Variants in KIAA1549L observed in about 807,000 individuals in gnomAD.
KIAA1549L encodes UPF0606 protein KIAA1549L.
KIAA1549L carries 88 observed loss-of-function variants against 160.7 expected under a neutral mutation model. The observed-to-expected ratio is 0.55, with a 90% confidence interval of 0.46 to 0.65. The LOEUF (loss-of-function observed/expected upper bound fraction) is 0.65. Ranked by LOEUF, KIAA1549L falls within the 30% of genes least tolerant of loss-of-function variation. The probability of loss-of-function intolerance (pLI) is 0.00; values close to 1 mark genes in which losing one functional copy is unlikely to be tolerated. For synonymous variants in KIAA1549L, 950 were observed against 976.7 expected (o/e 0.97, Z 0.51); for missense variants, 2,258 against 2,437.5 (o/e 0.93, Z 1.55).
At chr11:33,585,663 A>T (rs771891155) in intron 11 of KIAA1549L, among the ~76,000 whole-genome samples, 1 of 152,206 alleles carries the variant, frequency 6.6e-6, no homozygotes, top group African/African-American at 2.4e-5. Flanking sequence ...CCATACTGAG[A>T]TTGTAAGGGG....
chr11:33,654,881 T>C (rs1357683002), intron 17 of KIAA1549L, among the ~76,000 whole-genome samples: 1 of 152,196 alleles, frequency 6.6e-6, no homozygotes, highest in Non-Finnish European at 1.5e-5. Flanking sequence ...TATGAAGATG[T>C]AGTCTGCCAT....
rs1196623400 is a variant in KIAA1549L, at chr11:33,671,788, A to C, written c.*3634A>C. 6.6e-6 allele frequency: 1 copy of C among 152,224 alleles called. No homozygotes were observed. The highest frequency in any genetic ancestry group is 1.5e-5 in the Non-Finnish European group (1 of 68,030). The allele number at this position is 152,224 out of a possible 1,614,324, so 9.4% of individuals were successfully genotyped here. ...GCACACAGGTGCTCAACATTTAATGAATAATATAACAGATACTGTCTTAAA... is the reference window on the plus strand; with the variant it reads ...GCACACAGGTGCTCAACATTTAATGCATAATATAACAGATACTGTCTTAAA... On this transcript the variant is annotated 3_prime_UTR_variant, in exon 21 of 21. Coordinates refer to ENST00000658780, the MANE Select transcript of KIAA1549L (RefSeq NM_012194.3).
intron 16 of KIAA1549L, among the ~76,000 whole-genome samples, chr11:33,633,757 A>G (rs1851365813): frequency 6.6e-6 from 1 of 152,238 alleles, no homozygotes; most frequent in South Asian, 2.1e-4. Flanking sequence ...GTTCACAGGT[A>G]GTACAGTGTA....
chr11:33,434,861 G>A (rs1374684792), intron 1 of KIAA1549L, among the ~76,000 whole-genome samples: 2 of 152,176 alleles, frequency 1.3e-5, no homozygotes, highest in African/African-American at 4.8e-5. Flanking sequence ...CTGAATTTTA[G>A]TTAAACTTAT....
chr11:33,439,811 T>G (rs956218982), intron 1 of KIAA1549L, among the ~76,000 whole-genome samples: 2 of 152,116 alleles, frequency 1.3e-5, no homozygotes, highest in African/African-American at 4.8e-5. Flanking sequence ...AACAGCCACA[T>G]AGCTTTACTT....
chr11:33,407,186 G>A (rs1044258081), intron 1 of KIAA1549L, among the ~76,000 whole-genome samples: 1 of 142,428 alleles, frequency 7.0e-6, no homozygotes, highest in African/African-American at 2.6e-5. Context: ...CCGGGTTCAC[G>A]CCATTCTCCT....
Position 33,554,870 on chromosome 11 carries a change from T to C in KIAA1549L, c.3855+2629T>C, listed in dbSNP as rs1854595091. Among the ~76,000 whole-genome samples the C allele has an allele frequency of 3.3e-5, 5 of 152,162 alleles. No individual in the cohort carries two copies. The South Asian group carries it at 1.0e-3, about 32-fold the overall frequency. On this transcript the variant is annotated intron_variant, in intron 6 of 20. Coordinates refer to ENST00000658780, the MANE Select transcript of KIAA1549L (RefSeq NM_012194.3). ...ACAACAGCTTTCTGTTCCATCAGCC[T>C]ATAGGTCTTCTTAGCTAAATGAATC...
At chr11:33,460,510 G>C (rs1214397857) in intron 1 of KIAA1549L, among the ~76,000 whole-genome samples, 1 of 152,206 alleles carries the variant, frequency 6.6e-6, no homozygotes, top group Non-Finnish European at 1.5e-5. Flanking sequence ...TAAGATCACA[G>C]AGTGATGTGT....
chr11:33,469,836 C>T (rs1375791011), intron 1 of KIAA1549L, among the ~76,000 whole-genome samples: 1 of 152,148 alleles, frequency 6.6e-6, no homozygotes, highest in Non-Finnish European at 1.5e-5. Flanking sequence ...AATGTCTGTT[C>T]AAATCCTTTG....
intron 1 of KIAA1549L, among the ~76,000 whole-genome samples, chr11:33,501,312 A>G (rs967494090): frequency 2.0e-5 from 3 of 152,188 alleles, no homozygotes; most frequent in Non-Finnish European, 4.4e-5. Context: ...TGTTCTCCAA[A>G]CCTTTCTTGC....
At position 33,609,961 on chromosome 11, in the gene KIAA1549L, A is replaced by T; in HGVS notation, c.5274A>T (p.Lys1758Asn). 1 of 1,613,020 alleles carries T rather than the reference A, an allele frequency of 6.2e-7. No individual in the cohort carries two copies. Among genetic ancestry groups the T allele is most frequent in the Non-Finnish European group, 8.5e-7 (1 of 1,179,168 alleles). ...SELCAPFTES[K>N]NRQQMKNSVY... ...TCTGTGCTCCATTCACCGAGTCTAA[A>T]AACAGGTGCAGTCTCTAAGGGATTC... The change falls in exon 15 of 21, where the codon AAA becomes AAT. Residue 1758 changes from lysine (K) to asparagine (N), a missense_variant. Transcript: ENST00000658780.
chr11:33,598,984 C>T (rs369875132), intron 13 of KIAA1549L, 37 bp downstream of exon 13: 15 of 1,609,484 alleles, frequency 9.3e-6, no homozygotes, highest in African/African-American at 1.3e-5. Flanking sequence ...CCCCCAGCTG[C>T]TCCCACGCGT....
At chr11:33,612,127 C>T (rs1554922381) in intron 15 of KIAA1549L, among the ~76,000 whole-genome samples, 1 of 152,104 alleles carries the variant, frequency 6.6e-6, no homozygotes, top group Non-Finnish European at 1.5e-5. Flanking sequence ...ACTGGGTGAG[C>T]TAGGAATAGG....
rs191229214 is a variant in KIAA1549L at position 33,667,555 on chromosome 11, G to A, written c.6160-318G>A. On this transcript the variant is annotated intron_variant, in intron 20 of 20. Transcript: ENST00000658780. ...CTACAGGCGCATGCCACCATGCCTG[G>A]CTAATTTTTTTTGTATTTTTAGTAG... Among the ~76,000 whole-genome samples the A allele has an allele frequency of 7.2e-5, 11 of 152,090 alleles. No individual in the cohort carries two copies. The East Asian group carries it at 1.9e-3, about 27-fold the overall frequency.
At chr11:33,639,442 T>C (rs1851528701) in intron 16 of KIAA1549L, among the ~76,000 whole-genome samples, 1 of 152,186 alleles carries the variant, frequency 6.6e-6, no homozygotes, top group African/African-American at 2.4e-5. Context: ...ACCATAACTC[T>C]CCAAAACTAT....
At chr11:33,582,497 ATTAAT>A (rs1010974490) in intron 10 of KIAA1549L, among the ~76,000 whole-genome samples, 1 of 152,238 alleles carries the variant, frequency 6.6e-6, no homozygotes, top group Non-Finnish European at 1.5e-5. Context: ...TTGCCAATAT[ATTAAT>A]TTAAACTACA....
intron 1 of KIAA1549L, among the ~76,000 whole-genome samples, chr11:33,457,182 G>A (rs1251935182): frequency 6.6e-6 from 1 of 152,184 alleles, no homozygotes; most frequent in African/African-American, 2.4e-5. Context: ...GTTTGGGGGA[G>A]TGTTGAAATA....
intron 1 of KIAA1549L, among the ~76,000 whole-genome samples, chr11:33,429,446 C>T (rs71480972): frequency 6.6e-5 from 10 of 152,326 alleles, no homozygotes; most frequent in Non-Finnish European, 1.3e-4. Context: ...CCTTACTATT[C>T]CAGGGTTGCT....
chr11:33,455,005 C>T (rs1851793604), intron 1 of KIAA1549L, among the ~76,000 whole-genome samples: 1 of 152,140 alleles, frequency 6.6e-6, no homozygotes, highest in South Asian at 2.1e-4. Context: ...AGGAGAATGG[C>T]GTGAACCCAG....
Sources: gnomAD v4.1 joint callset for allele counts (sites outside exome capture counted in the v4.1 genomes callset) on GRCh38, gnomAD v4.1.1 for gene constraint, MANE v1.5 for transcripts, NCBI Gene and HGNC (gene_info 2026-07-23, HGNC 2026-07-21) for gene names.